ASXL2: variants seen among roughly 807,000 people sequenced by gnomAD.
ASXL2 encodes ASXL transcriptional regulator 2, also known as putative Polycomb group protein ASXL2.
ASXL2 carries 23 observed loss-of-function variants against 122.0 expected under a neutral mutation model. The observed-to-expected ratio is 0.19, with a 90% CI of 0.14 to 0.27. The LOEUF (loss-of-function observed/expected upper bound fraction) is 0.27, where lower values mean the gene tolerates loss of function less well. Ranked by LOEUF, ASXL2 falls within the 10% of genes least tolerant of loss-of-function variation. ASXL2 has a pLI of 1.00. For synonymous variants in ASXL2, 650 were observed against 637.0 expected, an observed-to-expected ratio of 1.02 and a Z score of -0.31; for missense variants, 1,518 against 1,713.8, an observed-to-expected ratio of 0.89 and a Z score of 2.02.
chr2:25,780,496 A>T (rs1003696183), intron 5 of ASXL2, among the ~76,000 whole-genome samples: 1 of 152,172 alleles, frequency 6.6e-6, no homozygotes, highest in African/African-American at 2.4e-5. Context: ...ACCCAGAACA[A>T]CATCATTACT....
At chr2:25,869,091 G>A (rs184463405) in intron 1 of ASXL2, among the ~76,000 whole-genome samples, 2 of 151,836 alleles carry the variant, frequency 1.3e-5, no homozygotes, top group Admixed American at 1.3e-4. Flanking sequence ...CTTGAACCTT[G>A]GAGGTGGAGG....
intron 11 of ASXL2, 50 bp from the exon 12 acceptor site, chr2:25,750,463 C>T (rs564899244): frequency 4.6e-5 from 68 of 1,469,406 alleles, no homozygotes; most frequent in Admixed American, 8.8e-5. Flanking sequence ...GCCCATGTTG[C>T]GAAAGCATTC....
chr2:25,742,194 G>T lies in ASXL2; in HGVS notation c.4143C>A (p.Thr1381=), dbSNP rs1427548582. The change falls in exon 13 of 13, where the codon ACC becomes ACA. Residue 1381 remains threonine (T), a synonymous_variant. Coordinates refer to ENST00000435504, the MANE Select transcript of ASXL2 (RefSeq NM_018263.6). ...QAMNPSSHGQ[T]IPVQAFSEEN... ...CTTCGGAGAACGCCTGAACAGGAAT[G>T]GTCTGGCCATGGCTGCTGGGATTCA... 1 of 1,614,026 alleles carries T rather than the reference G, an allele frequency of 6.2e-7. No individual in the cohort carries two copies. Among genetic ancestry groups the T allele is most frequent in the Non-Finnish European group, 8.5e-7 (1 of 1,179,888 alleles).
chr2:25,858,434 T>A (rs1038594932), intron 1 of ASXL2, among the ~76,000 whole-genome samples: 10 of 149,504 alleles, frequency 6.7e-5, no homozygotes, highest in East Asian at 2.0e-4. Flanking sequence ...AAAAAAAAAA[T>A]TTTTTTTTGG....
intron 5 of ASXL2, among the ~76,000 whole-genome samples, chr2:25,773,398 G>T (rs1309162742): frequency 6.6e-6 from 1 of 152,120 alleles, no homozygotes; most frequent in East Asian, 1.9e-4. Flanking sequence ...AGGCGCGGTG[G>T]CTCACGCCTG....
intron 1 of ASXL2, among the ~76,000 whole-genome samples, chr2:25,877,518 G>A (rs946812402): frequency 1.3e-5 from 2 of 152,010 alleles, no homozygotes; most frequent in African/African-American, 2.4e-5. Context: ...ACCATGCATT[G>A]CTGCCTTGTT....
At chr2:25,866,550 GAA>G (rs909999585) in intron 1 of ASXL2, among the ~76,000 whole-genome samples, 1 of 152,222 alleles carries the variant, frequency 6.6e-6, no homozygotes, top group Non-Finnish European at 1.5e-5. Context: ...TTATCTGCTA[GAA>G]AACAGAGCTG....
In ASXL2 at chr2:25,742,113, G is replaced by T. The variant is rs773069400; in HGVS notation, c.4224C>A (p.Ile1408=). 1.2e-5 allele frequency: 19 copies of T among 1,614,048 alleles called. No individual in the cohort carries two copies. The South Asian group carries it at 1.9e-4, about 16-fold the overall frequency. The change falls in exon 13 of 13, where the codon ATC becomes ATA. Residue 1408 remains isoleucine (I), a synonymous_variant. Coordinates refer to ENST00000435504, the MANE Select transcript of ASXL2 (RefSeq NM_018263.6). ...AGAAAGCGCCACAGCCTTTGCACAT[G>T]ATCATGGCTTTCAAGCGGCAGTAAC... The part of the protein sequence containing the change: ...SKCYCRLKAM[I]MCKGCGAFCH...
At chr2:25,819,864 C>G (rs1383179758) in intron 3 of ASXL2, among the ~76,000 whole-genome samples, 4 of 152,032 alleles carry the variant, frequency 2.6e-5, no homozygotes, top group Non-Finnish European at 5.9e-5. Flanking sequence ...AATGTACTTG[C>G]CTTTAGAAAA....
chr2:25,735,946 T>C lies in ASXL2; in HGVS notation c.*6083A>G, dbSNP rs889180861. On this transcript the variant is annotated 3_prime_UTR_variant, in exon 13 of 13. Coordinates refer to ENST00000435504, the MANE Select transcript of ASXL2 (RefSeq NM_018263.6). ...AACCTATCTTGGGAAAAAGGTAGTATTACTCCTTGAGCCTAGAACTAAAAA... is the reference window on the plus strand; with the variant it reads ...AACCTATCTTGGGAAAAAGGTAGTACTACTCCTTGAGCCTAGAACTAAAAA... 9.9e-5 allele frequency: 15 copies of C among 152,204 alleles called. No homozygotes were observed. The highest frequency in any genetic ancestry group is 3.4e-4 in the African/African-American group (14 of 41,450). 9.4% of individuals were successfully genotyped at this position (152,204 alleles called of 1,614,324 possible).
intron 3 of ASXL2, among the ~76,000 whole-genome samples, chr2:25,821,341 A>G (rs2089308060): frequency 3.3e-5 from 5 of 151,524 alleles, no homozygotes; most frequent in Admixed American, 3.3e-4. Context: ...TGGGTGACAG[A>G]GCAAGACCCT....
At chr2:25,747,249 A>T (rs2087957810) in intron 12 of ASXL2, among the ~76,000 whole-genome samples, 1 of 152,214 alleles carries the variant, frequency 6.6e-6, no homozygotes, top group African/African-American at 2.4e-5. Context: ...ATGTGTGTAT[A>T]TATAGTTTTT....
intron 11 of ASXL2, 135 bp downstream of exon 11, chr2:25,753,399 C>CA (rs568924441): frequency 0.11 from 43,605 of 402,252 alleles, 13 homozygotes; most frequent in East Asian, 0.15. Context: ...ATCAGTGAGA[C>CA]AAAAAAAAAA....
chr2:25,868,171 C>T (rs1427112387), intron 1 of ASXL2, among the ~76,000 whole-genome samples: 3 of 152,192 alleles, frequency 2.0e-5, no homozygotes, highest in African/African-American at 7.2e-5. Context: ...CACTATAAAT[C>T]AATAGCAAAA....
At chr2:25,865,611 CA>C (rs35970829) in intron 1 of ASXL2, among the ~76,000 whole-genome samples, 164 of 133,970 alleles carry the variant, frequency 1.2e-3, no homozygotes, top group Admixed American at 1.4e-3. Context: ...ACTAAAAATA[CA>C]AAAAAAAAAA....
intron 3 of ASXL2, among the ~76,000 whole-genome samples, chr2:25,827,788 T>C (rs546870072): frequency 6.6e-6 from 1 of 152,040 alleles, no homozygotes; most frequent in Non-Finnish European, 1.5e-5. Context: ...GGCCCCAAAA[T>C]GAGAGGTTCT....
intron 3 of ASXL2, among the ~76,000 whole-genome samples, chr2:25,819,636 G>A (rs2089282566): frequency 6.6e-6 from 1 of 152,004 alleles, no homozygotes; most frequent in South Asian, 2.1e-4. Flanking sequence ...CAAAACAGCT[G>A]GCCTGCACTA....
At chr2:25,801,134 G>A (rs994973860) in intron 4 of ASXL2, among the ~76,000 whole-genome samples, 3 of 152,074 alleles carry the variant, frequency 2.0e-5, no homozygotes, top group African/African-American at 7.2e-5. Flanking sequence ...CTACTATGTT[G>A]CCCAGGCTGG....
At position 25,771,448 on chromosome 2, in the gene ASXL2, G is replaced by C. The variant is rs878904028; in HGVS notation, c.496C>G (p.Leu166Val). 4 of 1,612,192 alleles carry C rather than the reference G, an allele frequency of 2.5e-6. No homozygotes were observed. The Admixed American group carries it at 5.0e-5, about 20-fold the overall frequency. Reference protein sequence around the residue: ...SPSQKHSKKALKQALKQQQQK... With the variant: ...SPSQKHSKKAVKQALKQQQQK... ...AGACTAGCAATGCTTACCTGCTTTA[G>C]TGCCTTCTTGCTGTGCTTCTGTGAT... Residue 166 changes from leucine (L) to valine (V), a missense_variant, in exon 6 of 13, where the codon CTA becomes GTA. Physicochemically the swap from Leu to Val is conservative, Grantham distance 32. This residue lies in a region of ASXL2 where 198 missense variants were observed against 209.0 expected (regional missense o/e 0.95). Transcript: ENST00000435504.
Sources: allele counts gnomAD v4.1 joint callset (sites outside exome capture counted in the v4.1 genomes callset), GRCh38; gene constraint gnomAD v4.1.1; regional missense constraint gnomAD v4.1.1; transcripts MANE v1.5; gene names NCBI Gene and HGNC (gene_info 2026-07-23, HGNC 2026-07-21).